PAQR8: variants seen among roughly 807,000 people sequenced by gnomAD.
PAQR8 encodes membrane progestin receptor beta.
A neutral mutation model predicts 25.2 loss-of-function variants in PAQR8; 17 were observed. The observed-to-expected ratio is 0.67, with a 90% CI of 0.46 to 1.01. The LOEUF is 1.01. Ranked by LOEUF, PAQR8 falls within the 50% of genes least tolerant of loss-of-function variation. The pLI is 0.00. For synonymous variants in PAQR8, 204 were observed against 190.6 expected (o/e 1.07, Z -0.58); for missense variants, 392 against 448.4 (o/e 0.87, Z 1.14).
Position 52,372,841 on chromosome 6 carries a change from G to A in PAQR8, c.-53+10592G>A, listed in dbSNP as rs147086801. On this transcript the variant is annotated intron_variant, in intron 1 of 1. Coordinates refer to ENST00000442253, the MANE Select transcript of PAQR8 (RefSeq NM_133367.5). Reference sequence around the variant, plus strand: ...ACATTCTAAAATGTGTTTCCAAAAGGTAAGGACCCTTTTATTATAATTCTT... The same window carrying A: ...ACATTCTAAAATGTGTTTCCAAAAGATAAGGACCCTTTTATTATAATTCTT... Among the ~76,000 whole-genome samples the A allele has an allele frequency of 4.6e-5, 7 of 151,682 alleles. No homozygotes were observed. The East Asian group carries it at 1.4e-3, about 29-fold the overall frequency.
chr6:52,366,547 C>T (rs1027146542), intron 1 of PAQR8, among the ~76,000 whole-genome samples: 3 of 152,074 alleles, frequency 2.0e-5, no homozygotes, highest in African/African-American at 7.2e-5. Flanking sequence ...AAAATTAGAT[C>T]CCAATATGTA....
chr6:52,399,850 C>G (rs2113951203), intron 1 of PAQR8, among the ~76,000 whole-genome samples: 1 of 152,268 alleles, frequency 6.6e-6, no homozygotes, highest in Middle Eastern at 3.4e-3. Flanking sequence ...TTATATGTTG[C>G]TAACAGCAAC....
chr6:52,383,639 C>G (rs1313675767), intron 1 of PAQR8, among the ~76,000 whole-genome samples: 2 of 123,058 alleles, frequency 1.6e-5, no homozygotes, highest in Non-Finnish European at 3.2e-5. Flanking sequence ...CCAGCCTGGG[C>G]GACAGAGCGA....
chr6:52,364,782 G>A (rs1349614085), intron 1 of PAQR8, among the ~76,000 whole-genome samples: 1 of 152,168 alleles, frequency 6.6e-6, no homozygotes, highest in Non-Finnish European at 1.5e-5. Flanking sequence ...TCTAAAAGGG[G>A]CATTTAGTAA....
rs1342973446 is a variant in PAQR8 at position 52,362,759 on chromosome 6, A to C, written c.-53+510A>C. Among the ~76,000 whole-genome samples, 2 of 151,904 alleles carry C rather than the reference A, an allele frequency of 1.3e-5. No homozygotes were observed. Among genetic ancestry groups the C allele is most frequent in the African/African-American group, 2.4e-5 (1 of 41,340 alleles). On this transcript the variant is annotated intron_variant, in intron 1 of 1. Coordinates refer to ENST00000442253, the MANE Select transcript of PAQR8 (RefSeq NM_133367.5). The surrounding 1 kb of genome is among the most constrained non-coding windows in gnomAD (Gnocchi z 4.1). Reference sequence around the variant, plus strand: ...GGAACCTGGGAGGGGAGTGCGGAGGAGAGGAAGCCCGGGGCGGTAGGGAGA... The same window carrying C: ...GGAACCTGGGAGGGGAGTGCGGAGGCGAGGAAGCCCGGGGCGGTAGGGAGA...
chr6:52,385,001 A>G (rs372657995), intron 1 of PAQR8, among the ~76,000 whole-genome samples: 1 of 152,238 alleles, frequency 6.6e-6, no homozygotes, highest in East Asian at 1.9e-4. Flanking sequence ...ATCACCATAT[A>G]CAAAAATTAA....
chr6:52,364,091 T>TTTTTTTTTTTTTTG (rs1763324640), intron 1 of PAQR8, among the ~76,000 whole-genome samples: 1 of 144,130 alleles, frequency 6.9e-6, no homozygotes, highest in Non-Finnish European at 1.5e-5. Flanking sequence ...ATGTTTTTTT[T>TTTTTTTTTTTTTTG]TTTTTTTTTT....
At chr6:52,373,534 T>A (rs1281318486) in intron 1 of PAQR8, 1 of 152,258 alleles carries the variant, frequency 6.6e-6, no homozygotes, top group Admixed American at 6.5e-5. Flanking sequence ...CTCCTCTCCC[T>A]TGCTTTTTCT....
At chr6:52,378,317 T>C (rs1763509072) in intron 1 of PAQR8, among the ~76,000 whole-genome samples, 1 of 152,212 alleles carries the variant, frequency 6.6e-6, no homozygotes, top group South Asian at 2.1e-4. Context: ...GTGCAGCCAT[T>C]TACTGAGATA....
chr6:52,406,580 T>C lies in PAQR8; in HGVS notation c.*2302T>C, dbSNP rs1023110438. 1 of 413,278 alleles carries C rather than the reference T, an allele frequency of 2.4e-6. No homozygotes were observed. The allele number at this position is 413,278 out of a possible 1,614,324, so 25.6% of individuals were successfully genotyped here. A position where few individuals can be genotyped will look rare whatever the true frequency, so the allele number is the denominator to read the frequency against. ...AAATTTTTTTTTTAATCTCTTTTTC[T>C]GAGACAGGGTCTTACTCTGTCGCCC... On this transcript the variant is annotated 3_prime_UTR_variant, in exon 2 of 2. Transcript: ENST00000442253.
chr6:52,379,028 C>T (rs1341048886), intron 1 of PAQR8, among the ~76,000 whole-genome samples: 5 of 134,908 alleles, frequency 3.7e-5, no homozygotes, highest in Admixed American at 3.4e-4. Context: ...ACGTGGGAGG[C>T]AGAGATTGCA....
chr6:52,396,822 G>A (rs1162086527), intron 1 of PAQR8, among the ~76,000 whole-genome samples: 3 of 152,204 alleles, frequency 2.0e-5, no homozygotes, highest in Non-Finnish European at 4.4e-5. Flanking sequence ...GAAATGTCTG[G>A]AGATGAGTCT....
intron 1 of PAQR8, among the ~76,000 whole-genome samples, chr6:52,371,911 A>G (rs1198294449): frequency 6.6e-6 from 1 of 152,174 alleles, no homozygotes; most frequent in Non-Finnish European, 1.5e-5. Flanking sequence ...GGGGCATGAA[A>G]TCGTGTTTGG....
At chr6:52,387,278 G>C (rs1763644210) in intron 1 of PAQR8, among the ~76,000 whole-genome samples, 1 of 152,178 alleles carries the variant, frequency 6.6e-6, no homozygotes, top group African/African-American at 2.4e-5. Flanking sequence ...CTCAGAGATG[G>C]ACAAGCACTA....
chr6:52,372,566 C>T (rs930681212), intron 1 of PAQR8, among the ~76,000 whole-genome samples: 6 of 152,110 alleles, frequency 3.9e-5, no homozygotes, highest in South Asian at 2.1e-4. Context: ...TTAATGAGCA[C>T]ATGTGTGCTA....
chr6:52,362,240 G>C lies in PAQR8; in HGVS notation c.-62G>C, dbSNP rs1581785663. On this transcript the variant is annotated 5_prime_UTR_variant, in exon 1 of 2. Coordinates refer to ENST00000442253, the MANE Select transcript of PAQR8 (RefSeq NM_133367.5). This position sits in a 1 kb window ranked among gnomAD's most constrained non-coding sequence, Gnocchi z 4.1. ...GGCTACGCGCACGGGCTCGGCCGCC[G>C]CCCCTGCCGGTGAGTCCCGCCGCGG... 1 of 152,090 alleles carries C rather than the reference G, an allele frequency of 6.6e-6. No individual in the cohort carries two copies. Among genetic ancestry groups the C allele is most frequent in the South Asian group, 2.1e-4 (1 of 4,838 alleles). The allele number at this position is 152,090 out of a possible 1,614,324, so 9.4% of individuals were successfully genotyped here.
At chr6:52,365,732 C>G (rs932863763) in intron 1 of PAQR8, among the ~76,000 whole-genome samples, 2 of 152,058 alleles carry the variant, frequency 1.3e-5, no homozygotes, top group African/African-American at 4.8e-5. Flanking sequence ...AAAGGGTAAC[C>G]TGAAAAGCAA....
chr6:52,378,972 C>A (rs562836860), intron 1 of PAQR8, among the ~76,000 whole-genome samples: 8 of 151,772 alleles, frequency 5.3e-5, no homozygotes, highest in African/African-American at 1.9e-4. Flanking sequence ...TGGTGGGCGC[C>A]TGTAGTCCCA....
In PAQR8 at chr6:52,403,199, A is replaced by G; in HGVS notation, c.-15A>G. The G allele has an allele frequency of 6.3e-7, 1 of 1,586,196 alleles. No individual in the cohort carries two copies. The highest frequency in any genetic ancestry group is 8.6e-7 in the Non-Finnish European group (1 of 1,161,978). On this transcript the variant is annotated 5_prime_UTR_variant, in exon 2 of 2. The change abolishes an upstream ATG in the 5' untranslated region. Transcript: ENST00000442253. Reference sequence around the variant, plus strand: ...GTCCTGAGGGCGCGGCACGGAGTGCATGCGGGCCGCTGCCATGACGACCGC... The same window carrying G: ...GTCCTGAGGGCGCGGCACGGAGTGCGTGCGGGCCGCTGCCATGACGACCGC...
Sources: allele counts gnomAD v4.1 joint callset (sites outside exome capture counted in the v4.1 genomes callset), GRCh38; gene constraint gnomAD v4.1.1; non-coding constraint Gnocchi (gnomAD v3.1); transcripts MANE v1.5; gene names NCBI Gene and HGNC (gene_info 2026-07-23, HGNC 2026-07-21).